Variants in ZNF385D observed in about 807,000 individuals in gnomAD.
ZNF385D encodes the protein zinc finger protein 659.
A neutral mutation model predicts 35.8 loss-of-function variants in ZNF385D; 15 were observed. The ratio of observed to expected loss-of-function variants is 0.42; its 90% confidence interval spans 0.28 to 0.64. The LOEUF (loss-of-function observed/expected upper bound fraction) is 0.64. Ranked by LOEUF, ZNF385D falls within the 30% of genes least tolerant of loss-of-function variation. The pLI, the probability that ZNF385D is intolerant of heterozygous loss-of-function variation, is 0.23. For missense variants in ZNF385D, 474 were observed against 494.6 expected (o/e 0.96, Z 0.39); for synonymous variants, 212 against 186.8 (o/e 1.13, Z -1.10).
intron 3 of ZNF385D, among the ~76,000 whole-genome samples, chr3:21,967,755 A>G (rs1702991375): frequency 6.6e-6 from 1 of 152,220 alleles, no homozygotes; most frequent in Non-Finnish European, 1.5e-5. Flanking sequence ...GACTTGAGTG[A>G]CCAAAATTCC....
At chr3:21,516,059 G>A (rs1308064768) in intron 3 of ZNF385D, among the ~76,000 whole-genome samples, 2 of 152,110 alleles carry the variant, frequency 1.3e-5, no homozygotes, top group African/African-American at 4.8e-5. Flanking sequence ...CCCACCCAGA[G>A]GAGGACTCAT....
intron 3 of ZNF385D, among the ~76,000 whole-genome samples, chr3:22,164,247 T>TTTTTTTTTTTTTTTTTTTTTTTTTTTTTG (rs1348547943): frequency 2.1e-5 from 2 of 93,464 alleles, no homozygotes; most frequent in African/African-American, 1.2e-4. Flanking sequence ...TTTTTTTTTT[T>TTTTTTTTTTTTTTTTTTTTTTTTTTTTTG]GAGACGGGGT....
chr3:21,914,370 C>G (rs1405586439), intron 3 of ZNF385D, among the ~76,000 whole-genome samples: 4 of 115,790 alleles, frequency 3.5e-5, no homozygotes, highest in Admixed American at 2.2e-4. Flanking sequence ...CTGTTCAGTG[C>G]TTTTGTTTGA....
intron 5 of ZNF385D, among the ~76,000 whole-genome samples, chr3:21,429,820 G>A (rs1490615022): frequency 6.6e-6 from 1 of 151,900 alleles, no homozygotes; most frequent in East Asian, 1.9e-4. Context: ...TCATACAATT[G>A]CCAGCAATAA....
intron 2 of ZNF385D, among the ~76,000 whole-genome samples, chr3:22,326,713 G>GTGAC (rs1333502040): frequency 6.6e-6 from 1 of 152,150 alleles, no homozygotes; most frequent in Admixed American, 6.5e-5. Flanking sequence ...AAACATTTTA[G>GTGAC]TGACAAAGTC....
intron 3 of ZNF385D, among the ~76,000 whole-genome samples, chr3:21,882,767 G>A (rs188809267): frequency 6.6e-6 from 1 of 152,122 alleles, no homozygotes; most frequent in African/African-American, 2.4e-5. Context: ...ATTAGACCAT[G>A]TACATGAGCA....
chr3:22,301,104 A>G (rs2125411939), intron 2 of ZNF385D, among the ~76,000 whole-genome samples: 1 of 152,168 alleles, frequency 6.6e-6, no homozygotes, highest in Admixed American at 6.6e-5. Context: ...GCAGCCCTTA[A>G]GAAGAAGGAA....
At chr3:21,560,378 T>A (rs996287812) in intron 3 of ZNF385D, among the ~76,000 whole-genome samples, 1 of 152,188 alleles carries the variant, frequency 6.6e-6, no homozygotes, top group Non-Finnish European at 1.5e-5. Context: ...TTGATGTTAT[T>A]CATTTCTGTT....
At chr3:22,267,873 G>A (rs1460651410) in intron 2 of ZNF385D, among the ~76,000 whole-genome samples, 1 of 151,800 alleles carries the variant, frequency 6.6e-6, no homozygotes, top group Non-Finnish European at 1.5e-5. Context: ...ATCATTGATG[G>A]AACATGATAA....
chr3:22,152,582 C>G (rs1413017684), intron 3 of ZNF385D, among the ~76,000 whole-genome samples: 1 of 152,164 alleles, frequency 6.6e-6, no homozygotes, highest in Non-Finnish European at 1.5e-5. Context: ...CTTCCTCCAT[C>G]TCCTAAGTGC....
At chr3:22,084,732 G>C (rs1250061188) in intron 3 of ZNF385D, among the ~76,000 whole-genome samples, 1 of 152,182 alleles carries the variant, frequency 6.6e-6, no homozygotes, top group Non-Finnish European at 1.5e-5. Flanking sequence ...AGACCTAATA[G>C]ACATCTACAG....
At chr3:22,031,901 C>A (rs1407830838) in intron 3 of ZNF385D, among the ~76,000 whole-genome samples, 1 of 152,176 alleles carries the variant, frequency 6.6e-6, no homozygotes, top group Admixed American at 6.5e-5. Flanking sequence ...TCAGAATCAG[C>A]TAGGCCATAT....
intron 3 of ZNF385D, among the ~76,000 whole-genome samples, chr3:21,975,439 T>C (rs1392599426): frequency 1.3e-5 from 2 of 152,036 alleles, no homozygotes; most frequent in African/African-American, 4.8e-5. Flanking sequence ...AATTAATGGG[T>C]TCAAATATAT....
chr3:21,543,298 A>G (rs2062245834), intron 3 of ZNF385D, among the ~76,000 whole-genome samples: 1 of 152,200 alleles, frequency 6.6e-6, no homozygotes, highest in Admixed American at 6.5e-5. Flanking sequence ...CTGCGCGACA[A>G]GAGCGGGACT....
intron 3 of ZNF385D, among the ~76,000 whole-genome samples, chr3:22,164,670 G>A (rs1706198693): frequency 6.6e-6 from 1 of 150,668 alleles, no homozygotes; most frequent in South Asian, 2.1e-4. Flanking sequence ...GTCATCTCAA[G>A]TGGATAAATT....
At chr3:21,996,114 G>T (rs1392615872) in intron 3 of ZNF385D, among the ~76,000 whole-genome samples, 2 of 152,064 alleles carry the variant, frequency 1.3e-5, no homozygotes, top group Non-Finnish European at 2.9e-5. Context: ...TCAAAATGGA[G>T]CTGTGCTATA....
upstream of ZNF385D, among the ~76,000 whole-genome samples, chr3:21,754,176 T>A (rs1484762426): frequency 6.6e-6 from 1 of 152,228 alleles, no homozygotes; most frequent in Admixed American, 6.5e-5. Flanking sequence ...TTTTTTTTAA[T>A]TTTGAAGCAT....
chr3:21,713,157 C>G (rs1196830156), intron 1 of ZNF385D, among the ~76,000 whole-genome samples: 1 of 152,176 alleles, frequency 6.6e-6, no homozygotes, highest in African/African-American at 2.4e-5. Flanking sequence ...AGGGCACACC[C>G]ACACATGTGG....
chr3:21,648,267 T>C (rs2065811979), intron 2 of ZNF385D, among the ~76,000 whole-genome samples: 1 of 152,202 alleles, frequency 6.6e-6, no homozygotes, highest in African/African-American at 2.4e-5. Flanking sequence ...TTTCCCCTGC[T>C]TGCTCTTCTC....
Sources: allele counts gnomAD v4.1 joint callset (sites outside exome capture counted in the v4.1 genomes callset), GRCh38; gene constraint gnomAD v4.1.1; transcripts MANE v1.5; gene names NCBI Gene and HGNC (gene_info 2026-07-23, HGNC 2026-07-21).